NRG1: variants seen among roughly 807,000 people sequenced by gnomAD.
NRG1 encodes pro-neuregulin-1, membrane-bound isoform.
A neutral mutation model predicts 63.8 loss-of-function variants in NRG1; 18 were observed. The ratio of observed to expected loss-of-function variants is 0.28; its 90% CI spans 0.19 to 0.42. The LOEUF (loss-of-function observed/expected upper bound fraction) is 0.42. Among genes scored for constraint, NRG1 ranks in the 10% least tolerant of loss-of-function variants. NRG1 has a pLI of 1.00. For missense variants in NRG1, 762 were observed against 814.7 expected, an observed-to-expected ratio of 0.94 and a Z score of 0.79; for synonymous variants, 302 against 301.3, an observed-to-expected ratio of 1.00 and a Z score of -0.02.
intron 1 of NRG1, among the ~76,000 whole-genome samples, chr8:31,656,591 G>A (rs1407900593): frequency 6.6e-6 from 1 of 152,138 alleles, no homozygotes; most frequent in Non-Finnish European, 1.5e-5. Flanking sequence ...AGACTGGGAA[G>A]AATAACTAAT....
At chr8:32,442,851 G>A (rs1482556576) in intron 1 of NRG1, 1 of 152,068 alleles carries the variant, frequency 6.6e-6, no homozygotes, top group Non-Finnish European at 1.5e-5. Flanking sequence ...GAAAAAGTGA[G>A]TCTTTGTATT....
chr8:32,279,758 G>T (rs1046647621), intron 1 of NRG1, among the ~76,000 whole-genome samples: 8 of 152,346 alleles, frequency 5.3e-5, no homozygotes, highest in African/African-American at 1.9e-4. Flanking sequence ...CTTTCTAGGT[G>T]ATATTCTAGG....
chr8:31,995,470 C>G (rs1164987337), intron 1 of NRG1, among the ~76,000 whole-genome samples: 1 of 151,848 alleles, frequency 6.6e-6, no homozygotes, highest in Admixed American at 6.6e-5. Flanking sequence ...ATAAAATAGG[C>G]TGTTTTCCTG....
chr8:32,492,556 G>C (rs1482355810), intron 1 of NRG1, among the ~76,000 whole-genome samples: 1 of 152,000 alleles, frequency 6.6e-6, no homozygotes, highest in Non-Finnish European at 1.5e-5. Context: ...TCATCCTATG[G>C]AGAGATGTCC....
chr8:32,547,598 C>T (rs927909795), upstream of NRG1, among the ~76,000 whole-genome samples: 1 of 61,658 alleles, frequency 1.6e-5, no homozygotes, highest in African/African-American at 7.4e-5. Flanking sequence ...TAAACACACA[C>T]ACACACACAC....
At chr8:32,371,543 C>G (rs1051230233) in intron 1 of NRG1, among the ~76,000 whole-genome samples, 1 of 152,184 alleles carries the variant, frequency 6.6e-6, no homozygotes, top group Non-Finnish European at 1.5e-5. Flanking sequence ...AACCCCACTG[C>G]ATTTCTCAAC....
At chr8:31,792,014 C>T (rs1165594061) in intron 1 of NRG1, among the ~76,000 whole-genome samples, 1 of 152,100 alleles carries the variant, frequency 6.6e-6, no homozygotes, top group Non-Finnish European at 1.5e-5. Context: ...TACTTCAAGC[C>T]AGCAGCAGCC....
At chr8:32,481,418 A>G (rs1170379990) in intron 1 of NRG1, among the ~76,000 whole-genome samples, 2 of 152,236 alleles carry the variant, frequency 1.3e-5, no homozygotes, top group Admixed American at 6.5e-5. Context: ...TGCAAGCCAC[A>G]TAGTTGAAGT....
intron 1 of NRG1, among the ~76,000 whole-genome samples, chr8:31,665,686 G>C (rs941552594): frequency 3.9e-5 from 6 of 152,262 alleles, no homozygotes; most frequent in Non-Finnish European, 7.4e-5. Flanking sequence ...TCTTTGATTA[G>C]TCAATCTAGA....
chr8:31,801,604 C>G (rs1003200801), intron 1 of NRG1, among the ~76,000 whole-genome samples: 2 of 152,130 alleles, frequency 1.3e-5, no homozygotes, highest in African/African-American at 2.4e-5. Context: ...GGCTTTGAGC[C>G]TCTGATTCTA....
intron 1 of NRG1, among the ~76,000 whole-genome samples, chr8:31,927,684 G>A (rs1452926420): frequency 2.0e-5 from 3 of 148,916 alleles, no homozygotes; most frequent in African/African-American, 4.9e-5. Flanking sequence ...TCCTGACCTC[G>A]TGATCCGCCC....
At chr8:32,432,885 AG>A (rs754830604) in intron 1 of NRG1, among the ~76,000 whole-genome samples, 2 of 152,104 alleles carry the variant, frequency 1.3e-5, no homozygotes, top group Non-Finnish European at 2.9e-5. Context: ...GTGGAGCAAA[AG>A]CTTTTAAATG....
intron 1 of NRG1, among the ~76,000 whole-genome samples, chr8:32,177,364 G>C (rs938209861): frequency 2.6e-5 from 4 of 151,456 alleles, no homozygotes; most frequent in Non-Finnish European, 5.9e-5. Flanking sequence ...GCATTAGGAG[G>C]TATACCTAAT....
chr8:32,111,606 A>G (rs1832038180), intron 1 of NRG1, among the ~76,000 whole-genome samples: 1 of 152,192 alleles, frequency 6.6e-6, no homozygotes, highest in Non-Finnish European at 1.5e-5. Flanking sequence ...ACATTGTGAG[A>G]CAATTAATTG....
intron 5 of NRG1, among the ~76,000 whole-genome samples, chr8:32,711,548 G>A (rs1049767288): frequency 1.3e-5 from 2 of 152,106 alleles, no homozygotes; most frequent in African/African-American, 2.4e-5. Context: ...CAAGATTGCT[G>A]TAAAAAATCA....
intron 1 of NRG1, among the ~76,000 whole-genome samples, chr8:31,915,834 A>AT (rs959939538): frequency 6.6e-6 from 1 of 152,080 alleles, no homozygotes; most frequent in Non-Finnish European, 1.5e-5. Context: ...TATGTACAAT[A>AT]TTTTTTGTAT....
At chr8:32,040,729 T>TGAA (rs1563713186) in intron 1 of NRG1, among the ~76,000 whole-genome samples, 1,158 of 86,726 alleles carry the variant, frequency 0.013, 43 homozygotes, top group African/African-American at 0.037. Context: ...TATATATATA[T>TGAA]ATATATATGA....
chr8:32,431,339 C>T (rs1420296192), intron 1 of NRG1, among the ~76,000 whole-genome samples: 1 of 152,188 alleles, frequency 6.6e-6, no homozygotes, highest in African/African-American at 2.4e-5. Flanking sequence ...TGGCATAGGT[C>T]CTCACTTTTG....
chr8:32,384,600 A>AT (rs1238590388), intron 1 of NRG1, among the ~76,000 whole-genome samples: 3 of 152,270 alleles, frequency 2.0e-5, no homozygotes, highest in Admixed American at 2.0e-4. Flanking sequence ...TTGCCTTTTG[A>AT]TTTTCCTTTG....
Sources: gnomAD v4.1 joint callset for allele counts (sites outside exome capture counted in the v4.1 genomes callset) on GRCh38, gnomAD v4.1.1 for gene constraint, MANE v1.5 for transcripts, NCBI Gene and HGNC (gene_info 2026-07-23, HGNC 2026-07-21) for gene names.